Variants in COL27A1 observed in about 807,000 individuals in gnomAD.
COL27A1 encodes the protein collagen type XXVII alpha 1 chain.
COL27A1 carries 106 observed loss-of-function variants against 251.3 expected under a neutral mutation model. The observed-to-expected ratio is 0.42, with a 90% CI of 0.36 to 0.50. COL27A1 has a LOEUF of 0.50. COL27A1 is among the 20% of genes least tolerant of loss of function. COL27A1 has a pLI of 0.00. For missense variants in COL27A1, 2,325 were observed against 2,522.8 expected, an observed-to-expected ratio of 0.92 and a Z score of 1.68; for synonymous variants, 1,000 against 986.3, an observed-to-expected ratio of 1.01 and a Z score of -0.26.
rs557571369 is a variant in COL27A1 at position 114,166,337 on chromosome 9, A to G, written c.134-1352A>G. 1.8e-4 allele frequency among the ~76,000 whole-genome samples: 27 copies of G among 149,600 alleles called. No homozygotes were observed. In the East Asian group the frequency reaches 5.1e-3, roughly 28 times the overall value. On this transcript the variant is annotated intron_variant, in intron 2 of 60. Coordinates refer to ENST00000356083, the MANE Select transcript of COL27A1 (RefSeq NM_032888.4). ...CATCTATACATCCATCTACTCATCT[A>G]TCCTTTCATGCATCCATGTATCCAT...
chr9:114,224,860 T>C (rs189492317), intron 14 of COL27A1, among the ~76,000 whole-genome samples: 1 of 152,154 alleles, frequency 6.6e-6, no homozygotes, highest in Non-Finnish European at 1.5e-5. Flanking sequence ...TTTCGCCACA[T>C]TGCCCAGGCT....
At chr9:114,250,732 G>T in intron 25 of COL27A1, 64 bp downstream of exon 25, 1 of 1,476,506 alleles carries the variant, frequency 6.8e-7, no homozygotes, top group Non-Finnish European at 9.5e-7. Context: ...GTAAAAAGGT[G>T]AAGAGGCCCT....
intron 24 of COL27A1, among the ~76,000 whole-genome samples, chr9:114,249,445 G>T (rs768704202): frequency 3.3e-5 from 5 of 152,192 alleles, no homozygotes; most frequent in Non-Finnish European, 7.3e-5. Flanking sequence ...GGAGATCCGG[G>T]CCCTGTTCAC....
chr9:114,231,146 G>A lies in COL27A1; in HGVS notation c.2520+14G>A. The stretch of plus-strand genomic sequence containing the variant: ...AAGGGCATGAAGGTAAGCAAGGGAT[G>A]TTCCCCCGATTCAGGCCTTGTCCAA... On this transcript the variant is annotated intron_variant, in intron 15 of 60. Coordinates refer to ENST00000356083, the MANE Select transcript of COL27A1 (RefSeq NM_032888.4). 6.2e-7 allele frequency: 1 copy of A among 1,613,086 alleles called. No homozygotes were observed. The highest frequency in any genetic ancestry group is 8.5e-7 in the Non-Finnish European group (1 of 1,179,424).
chr9:114,307,340 T>A (rs1240571582), intron 58 of COL27A1: 3 of 239,368 alleles, frequency 1.3e-5, no homozygotes, highest in Non-Finnish European at 2.4e-5. Flanking sequence ...GAAGAATCCA[T>A]TCAACTAGGT....
chr9:114,244,526 G>A (rs967511394), intron 23 of COL27A1, among the ~76,000 whole-genome samples: 10 of 152,156 alleles, frequency 6.6e-5, no homozygotes, highest in Admixed American at 5.9e-4. Context: ...AAAGATTGTC[G>A]GGTCAAGTTT....
intron 3 of COL27A1, among the ~76,000 whole-genome samples, chr9:114,173,611 C>T (rs1371626972): frequency 1.3e-5 from 2 of 152,166 alleles, no homozygotes; most frequent in Non-Finnish European, 2.9e-5. Context: ...AATCACTTAA[C>T]CTCTCTAAGC....
chr9:114,168,004 A>G lies in COL27A1; in HGVS notation c.449A>G (p.Asp150Gly). ...GSRRSVAFDL[D>G]MHDGRWHHLA... ...CGGCGCTCAGTGGCCTTCGACCTCG[A>G]CATGCACGACGGGCGCTGGCACCAC... The change falls in exon 3 of 61, where the codon GAC (aspartate) becomes GGC (glycine). Residue 150 changes from aspartate (D) to glycine (G), a missense_variant. Transcript: ENST00000356083. The G allele has an allele frequency of 1.9e-6, 3 of 1,604,506 alleles. No homozygotes were observed. The highest frequency in any genetic ancestry group is 1.7e-6 in the Non-Finnish European group (2 of 1,179,732).
intron 3 of COL27A1, among the ~76,000 whole-genome samples, chr9:114,177,533 G>T (rs2060130): frequency 0.33 from 49,741 of 151,750 alleles, 8,595 homozygotes; most frequent in African/African-American, 0.44. Context: ...TGTGGCCATG[G>T]GAACAGATAG....
At chr9:114,221,151 C>T (rs996882714) in intron 13 of COL27A1, among the ~76,000 whole-genome samples, 4 of 152,108 alleles carry the variant, frequency 2.6e-5, no homozygotes, top group Admixed American at 6.5e-5. Context: ...TTGCCCTCCT[C>T]TGTCACACAA....
intron 21 of COL27A1, among the ~76,000 whole-genome samples, chr9:114,240,993 G>A (rs137920354): frequency 3.5e-4 from 53 of 152,306 alleles, no homozygotes; most frequent in African/African-American, 1.2e-3. Context: ...CCTGGGAGTG[G>A]CCTTGCTGTC....
chr9:114,279,479 T>A (rs1430792189), intron 37 of COL27A1, among the ~76,000 whole-genome samples: 1 of 152,128 alleles, frequency 6.6e-6, no homozygotes, highest in Non-Finnish European at 1.5e-5. Context: ...ATACAAGCCA[T>A]ATACAAGCCA....
chr9:114,297,335 A>G (rs1017680449), intron 49 of COL27A1, among the ~76,000 whole-genome samples: 2 of 152,236 alleles, frequency 1.3e-5, no homozygotes, highest in Admixed American at 1.3e-4. Context: ...CTGTGAAGCC[A>G]GTATTATCCT....
At chr9:114,281,784 T>C (rs549549305) in intron 37 of COL27A1, among the ~76,000 whole-genome samples, 19 of 152,176 alleles carry the variant, frequency 1.2e-4, no homozygotes, top group Non-Finnish European at 2.4e-4. Flanking sequence ...AAGGCGCAGC[T>C]GGGACCCTGG....
intron 7 of COL27A1, 87 bp downstream of exon 7, chr9:114,196,099 C>A: frequency 8.5e-7 from 1 of 1,170,810 alleles, no homozygotes; most frequent in Non-Finnish European, 1.3e-6. Flanking sequence ...GGCCCACCTG[C>A]CTCTCCCCAG....
chr9:114,184,375 C>G lies in COL27A1; in HGVS notation c.2016+1300C>G, dbSNP rs558725895. 1.8e-4 allele frequency among the ~76,000 whole-genome samples: 28 copies of G among 152,378 alleles called. No individual in the cohort carries two copies. In the South Asian group the frequency reaches 4.6e-3, roughly 25 times the overall value. On this transcript the variant is annotated intron_variant, in intron 5 of 60. Transcript: ENST00000356083. ...TGGAGTAGGGCTCCTTTTGGCCCAT[C>G]AGCTTGTCTGGGAGCTTTGGACAGA...
chr9:114,294,341 T>G (rs1828128703), intron 49 of COL27A1, among the ~76,000 whole-genome samples: 1 of 151,924 alleles, frequency 6.6e-6, no homozygotes, highest in Non-Finnish European at 1.5e-5. Flanking sequence ...ACTCTTTCCT[T>G]GAGGCTGATT....
intron 5 of COL27A1, among the ~76,000 whole-genome samples, chr9:114,183,740 G>C (rs1828124504): frequency 6.6e-6 from 1 of 152,152 alleles, no homozygotes; most frequent in African/African-American, 2.4e-5. Flanking sequence ...TTCATGGACA[G>C]ATATTCTGGA....
At chr9:114,280,884 A>G (rs938477710) in intron 37 of COL27A1, among the ~76,000 whole-genome samples, 1 of 152,192 alleles carries the variant, frequency 6.6e-6, no homozygotes, top group African/African-American at 2.4e-5. Flanking sequence ...CAGCCGCCCC[A>G]TAATTTTCAT....
Sources: allele counts gnomAD v4.1 joint callset (sites outside exome capture counted in the v4.1 genomes callset), GRCh38; gene constraint gnomAD v4.1.1; transcripts MANE v1.5; gene names NCBI Gene and HGNC (gene_info 2026-07-23, HGNC 2026-07-21).